Variants in B3GALT1 observed in about 807,000 individuals in gnomAD.
B3GALT1 encodes the protein beta-1,3-galactosyltransferase 1, also known as UDP-Gal:betaGlcNAc beta 1,3-galactosyltransferase, polypeptide 1.
Under a neutral mutation model 23.2 loss-of-function variants are expected in B3GALT1, and 10 were observed. The observed-to-expected ratio is 0.43, with a 90% CI of 0.27 to 0.73. The LOEUF is 0.73. B3GALT1 is among the 30% of genes least tolerant of loss of function. The pLI is 0.21. For missense variants in B3GALT1, 299 were observed against 405.4 expected (o/e 0.74, Z 2.25); for synonymous variants, 156 against 141.5 (o/e 1.10, Z -0.73).
At chr2:167,852,012 T>C (rs1689912229) in intron 4 of B3GALT1, among the ~76,000 whole-genome samples, 1 of 152,244 alleles carries the variant, frequency 6.6e-6, no homozygotes. Context: ...TTCAAGCATT[T>C]TAAAACCAAC....
chr2:167,618,519 A>T (rs1216104211), intron 2 of B3GALT1, among the ~76,000 whole-genome samples: 1 of 152,006 alleles, frequency 6.6e-6, no homozygotes, highest in Non-Finnish European at 1.5e-5. Flanking sequence ...CAAAACCATG[A>T]TCAAAATAAA....
chr2:167,562,825 C>G (rs1307952378), intron 2 of B3GALT1, among the ~76,000 whole-genome samples: 2 of 151,892 alleles, frequency 1.3e-5, no homozygotes, highest in Non-Finnish European at 2.9e-5. Context: ...TCCCTGGGTA[C>G]TTGAGATTAG....
chr2:167,424,955 C>T (rs1035841270), intron 1 of B3GALT1, among the ~76,000 whole-genome samples: 2 of 152,186 alleles, frequency 1.3e-5, no homozygotes, highest in East Asian at 1.9e-4. Flanking sequence ...TAACCAAATG[C>T]GCACACATAT....
intron 3 of B3GALT1, among the ~76,000 whole-genome samples, chr2:167,683,557 C>CA (rs1035608640): frequency 2.0e-5 from 3 of 152,024 alleles, no homozygotes; most frequent in African/African-American, 7.2e-5. Context: ...TCCATCTCTA[C>CA]AAAAAATACA....
At chr2:167,589,101 C>G (rs1684629928) in intron 2 of B3GALT1, among the ~76,000 whole-genome samples, 1 of 152,060 alleles carries the variant, frequency 6.6e-6, no homozygotes, top group Non-Finnish European at 1.5e-5. Context: ...GCCACCATGT[C>G]CAGCTATCTT....
intron 2 of B3GALT1, among the ~76,000 whole-genome samples, chr2:167,571,690 G>A (rs1684295779): frequency 6.6e-6 from 1 of 151,824 alleles, no homozygotes; most frequent in African/African-American, 2.4e-5. Context: ...AAGGTCAAAA[G>A]TAACTAGCAG....
At chr2:167,648,495 A>T (rs1453614190) in intron 3 of B3GALT1, among the ~76,000 whole-genome samples, 1 of 152,122 alleles carries the variant, frequency 6.6e-6, no homozygotes, top group Non-Finnish European at 1.5e-5. Context: ...ATTTCTTAGG[A>T]TACAATATAA....
chr2:167,867,609 A>C (rs916942352), intron 4 of B3GALT1, among the ~76,000 whole-genome samples: 8 of 152,164 alleles, frequency 5.3e-5, no homozygotes, highest in Non-Finnish European at 7.3e-5. Context: ...TATTGTGCTT[A>C]GAAGCATGAT....
chr2:167,650,314 A>ATG (rs200781816), intron 3 of B3GALT1, among the ~76,000 whole-genome samples: 4 of 148,756 alleles, frequency 2.7e-5, no homozygotes, highest in East Asian at 3.9e-4. Context: ...ATATATATAT[A>ATG]TGTGTGTGTG....
chr2:167,586,471 T>C (rs1314888734), intron 2 of B3GALT1, among the ~76,000 whole-genome samples: 4 of 152,078 alleles, frequency 2.6e-5, no homozygotes, highest in Admixed American at 2.6e-4. Flanking sequence ...GGTTAATTTT[T>C]TGTATTTTTA....
At chr2:167,600,734 T>C (rs568798594) in intron 2 of B3GALT1, among the ~76,000 whole-genome samples, 1 of 152,356 alleles carries the variant, frequency 6.6e-6, no homozygotes, top group African/African-American at 2.4e-5. Context: ...TTTTCATGGC[T>C]GAAAACATGG....
intron 2 of B3GALT1, among the ~76,000 whole-genome samples, chr2:167,620,626 CAG>C (rs1685238510): frequency 6.6e-6 from 1 of 152,062 alleles, no homozygotes; most frequent in Non-Finnish European, 1.5e-5. Flanking sequence ...TTCACAGTCA[CAG>C]AGTGGTGAAA....
At chr2:167,597,271 A>G (rs1302292096) in intron 2 of B3GALT1, among the ~76,000 whole-genome samples, 1 of 151,926 alleles carries the variant, frequency 6.6e-6, no homozygotes, top group Non-Finnish European at 1.5e-5. Flanking sequence ...GCCAGCCACC[A>G]TGCCCGGCTA....
In B3GALT1 at chr2:167,725,532, T is replaced by C. The variant is rs560979309; in HGVS notation, c.-352+78566T>C. 2.0e-5 allele frequency among the ~76,000 whole-genome samples: 3 copies of C among 152,318 alleles called. No homozygotes were observed. The East Asian group carries it at 5.8e-4, about 29-fold the overall frequency. ...TTGTCTGTTCCTAAGGTATGTAAGT[T>C]CAGTCCCTTCAGTTTTTAGAAAACA... is the stretch of plus-strand genomic sequence containing the variant. On this transcript the variant is annotated intron_variant, in intron 3 of 4. Transcript: ENST00000392690.
rs569774604 is a variant in B3GALT1 at position 167,840,099 on chromosome 2, C to A, written c.-230+21306C>A. 5.8e-3 allele frequency among the ~76,000 whole-genome samples: 883 copies of A among 152,270 alleles called. 4 individuals carry two copies. Among genetic ancestry groups the A allele is most frequent in the African/African-American group, 0.02 (822 of 41,552 alleles). ...CCCTAGAAGAAAACCTAGGCATTAC[C>A]ATTCAGGACATAGGCAGGGGCAAGG... On this transcript the variant is annotated intron_variant, in intron 4 of 4. Coordinates refer to ENST00000392690, the MANE Select transcript of B3GALT1 (RefSeq NM_020981.4).
chr2:167,859,438 T>C (rs566331429), intron 4 of B3GALT1, among the ~76,000 whole-genome samples: 3 of 152,274 alleles, frequency 2.0e-5, no homozygotes, highest in African/African-American at 7.2e-5. Context: ...TGAAGTATAC[T>C]TTCTCCTCAG....
chr2:167,520,507 C>T (rs1700172087), intron 2 of B3GALT1, among the ~76,000 whole-genome samples: 1 of 152,090 alleles, frequency 6.6e-6, no homozygotes, highest in Non-Finnish European at 1.5e-5. Flanking sequence ...ATCTTTGGCT[C>T]TTTTTCTCAA....
intron 2 of B3GALT1, among the ~76,000 whole-genome samples, chr2:167,509,809 CAGAG>C (rs927626702): frequency 6.6e-6 from 1 of 152,074 alleles, no homozygotes; most frequent in Admixed American, 6.6e-5. Context: ...GGCTTCAACT[CAGAG>C]AGATGGGAAG....
rs993071580 is a variant in B3GALT1, at chr2:167,863,166, CTCT to C, written c.-229-5643_-229-5641del. ...GAGGTTTCTGCTTTTGTGGTATTCT[CTCT>C]TTTTTTTTTCTTTTCAGTGGGCTTT... On this transcript the variant is annotated intron_variant, in intron 4 of 4. Transcript: ENST00000392690. Among the ~76,000 whole-genome samples, 25 of 148,798 alleles carry C rather than the reference CTCT, an allele frequency of 1.7e-4. No individual in the cohort carries two copies. In the Admixed American group the frequency reaches 1.7e-3, roughly 10 times the overall value.
Sources: allele counts gnomAD v4.1 joint callset (sites outside exome capture counted in the v4.1 genomes callset), GRCh38; gene constraint gnomAD v4.1.1; transcripts MANE v1.5; gene names NCBI Gene and HGNC (gene_info 2026-07-23, HGNC 2026-07-21).